NEDD4L: variants seen among roughly 807,000 people sequenced by gnomAD.
NEDD4L encodes the protein E3 ubiquitin-protein ligase NEDD4-like.
Under a neutral mutation model 148.9 loss-of-function variants are expected in NEDD4L, and 54 were observed. The ratio of observed to expected loss-of-function variants is 0.36; its 90% CI spans 0.29 to 0.45. The LOEUF (loss-of-function observed/expected upper bound fraction) is 0.45. Ranked by LOEUF, NEDD4L falls within the 20% of genes least tolerant of loss-of-function variation. The pLI is 1.00. For synonymous variants in NEDD4L, 433 were observed against 440.7 expected (o/e 0.98, Z 0.22); for missense variants, 856 against 1,233.8 (o/e 0.69, Z 4.59).
intron 1 of NEDD4L, among the ~76,000 whole-genome samples, chr18:58,139,844 G>C (rs891365668): frequency 6.6e-6 from 1 of 152,172 alleles, no homozygotes; most frequent in African/African-American, 2.4e-5. Flanking sequence ...GAGCAGGTGG[G>C]GGCAGGCAGG....
intron 1 of NEDD4L, among the ~76,000 whole-genome samples, chr18:58,055,326 A>G (rs999071587): frequency 2.6e-5 from 4 of 152,218 alleles, no homozygotes; most frequent in Non-Finnish European, 4.4e-5. Context: ...AACTAGGGAT[A>G]TATTCCAGCA....
rs368435758 is a variant in NEDD4L at position 58,341,731 on chromosome 18, C to T, written c.1311C>T (p.Ile437=). Residue 437 remains isoleucine (I), a synonymous_variant, in exon 15 of 31, where the codon ATC becomes ATT. Coordinates refer to ENST00000400345, the MANE Select transcript of NEDD4L (RefSeq NM_001144967.3). ...CCACAAACAGTAACAACCATCTAAT[C>T]GAGCCTCAGATCCGCCGGCCTCGTA... The part of the protein sequence containing the change: ...GSATNSNNHL[I]EPQIRRPRSL... The T allele has an allele frequency of 3.1e-6, 5 of 1,613,838 alleles. No homozygotes were observed. Among genetic ancestry groups the T allele is most frequent in the East Asian group, 4.5e-5 (2 of 44,882 alleles).
intron 16 of NEDD4L, among the ~76,000 whole-genome samples, chr18:58,349,304 A>C (rs965870053): frequency 6.6e-6 from 1 of 152,036 alleles, no homozygotes; most frequent in East Asian, 1.9e-4. Flanking sequence ...TTAACCTTTC[A>C]TGTAAATATT....
chr18:58,147,091 G>T (rs2034173573), intron 1 of NEDD4L, among the ~76,000 whole-genome samples: 1 of 152,206 alleles, frequency 6.6e-6, no homozygotes, highest in Non-Finnish European at 1.5e-5. Context: ...ATTACAAATA[G>T]AATATGTAGC....
At chr18:58,176,906 C>T (rs2038228447) in intron 2 of NEDD4L, among the ~76,000 whole-genome samples, 1 of 152,194 alleles carries the variant, frequency 6.6e-6, no homozygotes, top group African/African-American at 2.4e-5. Context: ...GTGTCTGACA[C>T]ATAGATGTTT....
At chr18:58,287,178 C>T (rs1268645547) in intron 5 of NEDD4L, among the ~76,000 whole-genome samples, 1 of 151,010 alleles carries the variant, frequency 6.6e-6, no homozygotes, top group Non-Finnish European at 1.5e-5. Context: ...CTTTATCCTG[C>T]TAAGGAGCTA....
At chr18:58,270,295 TA>T (rs2050850195) in intron 5 of NEDD4L, among the ~76,000 whole-genome samples, 1 of 152,168 alleles carries the variant, frequency 6.6e-6, no homozygotes, top group Admixed American at 6.5e-5. Flanking sequence ...ACTGAAAAGG[TA>T]ACCTGGGTCA....
At chr18:58,297,884 T>G (rs1030312442) in intron 5 of NEDD4L, among the ~76,000 whole-genome samples, 11 of 152,190 alleles carry the variant, frequency 7.2e-5, no homozygotes, top group African/African-American at 2.7e-4. Flanking sequence ...TTTGTCGCTG[T>G]CTCCGAGTCT....
chr18:58,253,998 T>C (rs2048214125), intron 5 of NEDD4L, among the ~76,000 whole-genome samples: 1 of 151,968 alleles, frequency 6.6e-6, no homozygotes, highest in African/African-American at 2.4e-5. Context: ...GCTGTTTTTT[T>C]TTTTTTCTTT....
chr18:58,272,134 T>C (rs1025429017), intron 5 of NEDD4L, among the ~76,000 whole-genome samples: 1 of 152,230 alleles, frequency 6.6e-6, no homozygotes, highest in African/African-American at 2.4e-5. Flanking sequence ...AGTGTTATTA[T>C]ATAAGATCAT....
At chr18:58,125,060 C>A (rs1000471637) in intron 1 of NEDD4L, among the ~76,000 whole-genome samples, 1 of 152,124 alleles carries the variant, frequency 6.6e-6, no homozygotes, top group African/African-American at 2.4e-5. Context: ...TTGCCACCAG[C>A]TAATTTATTA....
intron 1 of NEDD4L, among the ~76,000 whole-genome samples, chr18:58,148,529 G>T (rs534354283): frequency 6.6e-6 from 1 of 152,258 alleles, no homozygotes; most frequent in African/African-American, 2.4e-5. Context: ...TGTTTCTCCC[G>T]AGGCCTCTGT....
At chr18:58,353,965 T>A (rs1441335075) in intron 18 of NEDD4L, among the ~76,000 whole-genome samples, 1 of 152,192 alleles carries the variant, frequency 6.6e-6, no homozygotes, top group African/African-American at 2.4e-5. Flanking sequence ...AATAATTAAT[T>A]ATTTCTGCTT....
intron 2 of NEDD4L, among the ~76,000 whole-genome samples, chr18:58,213,181 A>G (rs931689690): frequency 2.0e-5 from 3 of 152,238 alleles, no homozygotes; most frequent in African/African-American, 4.8e-5. Context: ...TGGGCAATGT[A>G]TATTAAAATA....
chr18:58,322,041 A>T (rs1300679674), intron 6 of NEDD4L, among the ~76,000 whole-genome samples: 4 of 152,212 alleles, frequency 2.6e-5, no homozygotes, highest in Non-Finnish European at 5.9e-5. Context: ...TAAATCTTGT[A>T]TATTCTTCTG....
chr18:58,390,220 T>C (rs1294327236), intron 28 of NEDD4L: 1 of 154,594 alleles, frequency 6.5e-6, no homozygotes, highest in Non-Finnish European at 1.4e-5. Context: ...TGTTTTGTTT[T>C]GTTTCATTTT....
chr18:58,140,702 G>A (rs2033405952), intron 1 of NEDD4L, among the ~76,000 whole-genome samples: 1 of 152,238 alleles, frequency 6.6e-6, no homozygotes, highest in African/African-American at 2.4e-5. Flanking sequence ...TTCTCTCAGA[G>A]GAGGAGTGCC....
At chr18:58,302,060 C>T (rs1167064446) in intron 5 of NEDD4L, among the ~76,000 whole-genome samples, 1 of 152,104 alleles carries the variant, frequency 6.6e-6, no homozygotes, top group Non-Finnish European at 1.5e-5. Context: ...GCTTGGTATC[C>T]CAGTTACTTT....
rs2081485816 is a variant in NEDD4L, at chr18:58,044,588, G to C, written c.-73G>C. The C allele has an allele frequency of 6.7e-7, 1 of 1,501,988 alleles. No homozygotes were observed. The highest frequency in any genetic ancestry group is 1.4e-5 in the African/African-American group (1 of 69,740). 93.0% of individuals were successfully genotyped at this position (1,501,988 alleles called of 1,614,324 possible). A position where few individuals can be genotyped will look rare whatever the true frequency, so the allele number is the denominator to read the frequency against. ...GGGACCGGGGGGACCTGGAGGCAGA[G>C]GGGAGAACCGGCCGTCCGCGCCGCA... On this transcript the variant is annotated 5_prime_UTR_variant, in exon 1 of 31. Transcript: ENST00000400345.
Sources: gnomAD v4.1 joint callset for allele counts (sites outside exome capture counted in the v4.1 genomes callset) on GRCh38, gnomAD v4.1.1 for gene constraint, MANE v1.5 for transcripts, NCBI Gene and HGNC (gene_info 2026-07-23, HGNC 2026-07-21) for gene names.